ATXN2L: variants seen among roughly 807,000 people sequenced by gnomAD.
ATXN2L encodes ataxin-2-like protein.
In ATXN2L, 24 loss-of-function variants were observed where a neutral mutation model predicts 120.7. The observed-to-expected ratio is 0.20, with a 90% CI of 0.14 to 0.28. ATXN2L has a LOEUF of 0.28. Among genes scored for constraint, ATXN2L ranks in the 10% least tolerant of loss-of-function variants. The pLI, the probability that ATXN2L is intolerant of heterozygous loss-of-function variation, is 1.00. For synonymous variants in ATXN2L, 653 were observed against 568.1 expected (o/e 1.15, Z -2.13); for missense variants, 1,312 against 1,432.3 (o/e 0.92, Z 1.36).
intron 19 of ATXN2L, 34 bp from the exon 20 acceptor site, chr16:28,835,244 G>A (rs1250026285): frequency 6.2e-6 from 10 of 1,613,298 alleles, no homozygotes; most frequent in Non-Finnish European, 8.5e-6. Flanking sequence ...CCTCTGGTGT[G>A]CTCAGCACTG....
rs755700917 is a variant in ATXN2L at position 28,831,049 on chromosome 16, C to T, written c.1298C>T (p.Thr433Ile). 3.9e-5 allele frequency: 62 copies of T among 1,610,270 alleles called. 1 individual carries two copies. The Middle Eastern group carries it at 8.2e-4, about 21-fold the overall frequency. Residue 433 changes from threonine to isoleucine, a missense_variant, in exon 10 of 22, where the codon ACT (threonine) becomes ATT (isoleucine). Coordinates refer to ENST00000336783, the MANE Select transcript of ATXN2L (RefSeq NM_007245.4). ...SSPSNRPSGETSVPPPPAVGR... is the reference protein window; with the variant it reads ...SSPSNRPSGEISVPPPPAVGR... The stretch of plus-strand genomic sequence containing the variant: ...CCCAGTAATAGGCCTTCTGGAGAAA[C>T]TTCTGTTCCACCTCCTCCTGCAGGT...
At position 28,826,959 on chromosome 16, in the gene ATXN2L, C is replaced by T. The variant is rs1223194208; in HGVS notation, c.714C>T (p.Ser238=). Residue 238 remains serine (S), a synonymous_variant, in exon 6 of 22, where the codon AGC becomes AGT. Transcript: ENST00000336783. ...LQRWEGGDSN[S]DDYDLESDMS... ...GCTGGGAGGGGGGTGACAGCAACAG[C>T]GACGACTATGACCTCGAGTCTGACA... The T allele has an allele frequency of 2.5e-6, 4 of 1,574,560 alleles. No homozygotes were observed. Among genetic ancestry groups the T allele is most frequent in the East Asian group, 2.3e-5 (1 of 43,940 alleles).
In ATXN2L at chr16:28,830,232, G is replaced by T. The variant is rs370656699; in HGVS notation, c.1034+174G>T. On this transcript the variant is annotated intron_variant, in intron 8 of 21. Transcript: ENST00000336783. ...GTAATTTGCCTAAAGTAACAAAGCT[G>T]GAGCTTGTAGATCTAAAAAAAAAAA... is the stretch of plus-strand genomic sequence containing the variant. Among the ~76,000 whole-genome samples the T allele has an allele frequency of 4.6e-5, 7 of 152,204 alleles. No individual in the cohort carries two copies. The South Asian group carries it at 1.5e-3, about 32-fold the overall frequency.
In ATXN2L at chr16:28,837,024, A is replaced by G. The variant is rs997316170; in HGVS notation, c.*759A>G. 2 of 663,126 alleles carry G rather than the reference A, an allele frequency of 3.0e-6. No homozygotes were observed. Among genetic ancestry groups the G allele is most frequent in the Middle Eastern group, 2.6e-4 (1 of 3,908 alleles). The allele number at this position is 663,126 out of a possible 1,614,324, so 41.1% of individuals were successfully genotyped here. A position where few individuals can be genotyped will look rare whatever the true frequency, so the allele number is the denominator to read the frequency against. ...CCCAGTCTTGCCCTCCCATCCTCTC[A>G]TCTATTCCCCCGCTGGAGACGGAAG... On this transcript the variant is annotated 3_prime_UTR_variant, in exon 22 of 22. Coordinates refer to ENST00000336783, the MANE Select transcript of ATXN2L (RefSeq NM_007245.4).
At chr16:28,828,077 A>C (rs1249682859) in intron 6 of ATXN2L, among the ~76,000 whole-genome samples, 1 of 152,206 alleles carries the variant, frequency 6.6e-6, no homozygotes, top group Non-Finnish European at 1.5e-5. Flanking sequence ...ACACGTGTAC[A>C]CAGCAAATTG....
In ATXN2L at chr16:28,833,519, A is replaced by C. The variant is rs2055305157; in HGVS notation, c.2025+11A>C. 1.2e-6 allele frequency: 2 copies of C among 1,613,958 alleles called. No individual in the cohort carries two copies. The highest frequency in any genetic ancestry group is 2.7e-5 in the African/African-American group (2 of 74,938). ...CCTCTGCTGTCTGTGGTGAGCTGGG[A>C]CAGGAGAATGTGGACTTTGGTTTCT... On this transcript the variant is annotated intron_variant, in intron 15 of 21. Transcript: ENST00000336783.
chr16:28,833,612 C>T lies in ATXN2L; in HGVS notation c.2025+104C>T. The T allele has an allele frequency of 4.1e-6, 5 of 1,223,852 alleles. No homozygotes were observed. The South Asian group carries it at 6.2e-5, about 15-fold the overall frequency. The allele number at this position is 1,223,852 out of a possible 1,614,324, so 75.8% of individuals were successfully genotyped here. ...AACACTTCACTTCCAGGACCACTTG[C>T]CTGGCAGGCAGTGTGAGGAGATGTC... On this transcript the variant is annotated intron_variant, in intron 15 of 21. Coordinates refer to ENST00000336783, the MANE Select transcript of ATXN2L (RefSeq NM_007245.4).
In ATXN2L at chr16:28,832,504, C is replaced by T; in HGVS notation, c.1525C>T (p.Leu509Phe). Residue 509 changes from leucine to phenylalanine, a missense_variant, in exon 12 of 22, where the codon CTC becomes TTC. Leu to Phe is a conservative substitution (Grantham distance 22, BLOSUM62 0). Transcript: ENST00000336783. The stretch of plus-strand genomic sequence containing the variant: ...TCTCTTTACTTGAACAGTAAAAGAA[C>T]TCTCTACCAAGGAACCTGGGAGAAC... ...ISLAPTDVKE[L>F]STKEPGRTLE... is the part of the protein sequence containing the mutation. The T allele has an allele frequency of 2.5e-6, 4 of 1,614,162 alleles. No homozygotes were observed. The highest frequency in any genetic ancestry group is 3.4e-6 in the Non-Finnish European group (4 of 1,180,012).
In ATXN2L at chr16:28,829,389, C is replaced by T; in HGVS notation, c.742-12C>T. Reference sequence around the variant, plus strand: ...CCTGCTGGGTTTTAAAACCACCTTCCTCCCTCCCCAGTCCAATGGATGGGA... The same window carrying T: ...CCTGCTGGGTTTTAAAACCACCTTCTTCCCTCCCCAGTCCAATGGATGGGA... On this transcript the variant is annotated splice_polypyrimidine_tract_variant and intron_variant, in intron 6 of 21. Transcript: ENST00000336783. 3 of 1,597,948 alleles carry T rather than the reference C, an allele frequency of 1.9e-6. No individual in the cohort carries two copies. The highest frequency in any genetic ancestry group is 1.7e-5 in the Admixed American group (1 of 59,890).
chr16:28,825,219 A>G (rs892275499), intron 1 of ATXN2L, 147 bp from the exon 2 acceptor site: 3 of 819,192 alleles, frequency 3.7e-6, no homozygotes, highest in Non-Finnish European at 6.0e-6. Context: ...CCTGTCTCAA[A>G]AAAAATAGAA....
intron 5 of ATXN2L, 40 bp from the exon 6 acceptor site, chr16:28,826,822 A>G: frequency 1.3e-6 from 2 of 1,501,990 alleles, no homozygotes; most frequent in African/African-American, 1.4e-5. Context: ...AAGTCTGTGA[A>G]ATATAGCCTG....
In ATXN2L at chr16:28,823,522, A is replaced by G; in HGVS notation, c.263A>G (p.Gln88Arg). 7.2e-7 allele frequency: 1 copy of G among 1,390,682 alleles called. No homozygotes were observed. Among genetic ancestry groups the G allele is most frequent in the South Asian group, 1.6e-5 (1 of 64,340 alleles). 86.1% of individuals were successfully genotyped at this position (1,390,682 alleles called of 1,614,324 possible). ...CAGCCGCCGCCGCCGCAGCAACACCAGGAGAGGCCGGGGGCAGCCGCCATC... is the reference window on the plus strand; with the variant it reads ...CAGCCGCCGCCGCCGCAGCAACACCGGGAGAGGCCGGGGGCAGCCGCCATC... Reference protein sequence around the residue: ...APQPPPPQQHQERPGAAAIGS... With the variant: ...APQPPPPQQHRERPGAAAIGS... Residue 88 changes from glutamine to arginine, a missense_variant, in exon 1 of 22, where the codon CAG (glutamine) becomes CGG (arginine). Gln to Arg is a conservative substitution (Grantham distance 43, BLOSUM62 1). Transcript: ENST00000336783.
At position 28,832,820 on chromosome 16, in the gene ATXN2L, C is replaced by T; in HGVS notation, c.1592C>T (p.Pro531Leu). The change falls in exon 13 of 22, where the codon CCT becomes CTT. Residue 531 changes from proline to leucine, a missense_variant. By Grantham distance (98) the Pro-to-Leu change is moderately conservative. Coordinates refer to ENST00000336783, the MANE Select transcript of ATXN2L (RefSeq NM_007245.4). Reference protein sequence around the residue: ...QELARIAGKVPGLQNEQKRFQ... With the variant: ...QELARIAGKVLGLQNEQKRFQ... ...CTTTTTGACTGTTTTCTCATAGTCC[C>T]TGGTCTTCAGAATGAACAGAAACGA... 1 of 1,614,072 alleles carries T rather than the reference C, an allele frequency of 6.2e-7. No individual in the cohort carries two copies. The highest frequency in any genetic ancestry group is 8.5e-7 in the Non-Finnish European group (1 of 1,179,996).
chr16:28,834,384 T>C lies in ATXN2L; in HGVS notation c.2214T>C (p.Pro738=), dbSNP rs771160595. The C allele has an allele frequency of 1.2e-6, 2 of 1,614,078 alleles. No individual in the cohort carries two copies. Among genetic ancestry groups the C allele is most frequent in the South Asian group, 2.2e-5 (2 of 91,080 alleles). The change falls in exon 17 of 22, where the codon CCT becomes CCC. Residue 738 remains proline (P), a synonymous_variant. Transcript: ENST00000336783. ...CATATCCTGTATCCAATTCAGTGCC[T>C]GGGCAGCAGGGCAAGTACCGGGGAG... ...MYPYPVSNSV[P]GQQGKYRGAK...
Position 28,833,276 on chromosome 16 carries a change from C to T in ATXN2L, c.1877C>T (p.Pro626Leu). Residue 626 changes from proline (P) to leucine (L), a missense_variant, in exon 14 of 22, where the codon CCA (proline) becomes CTA (leucine). Pro to Leu is a moderately conservative substitution (Grantham distance 98). Coordinates refer to ENST00000336783, the MANE Select transcript of ATXN2L (RefSeq NM_007245.4). ...GGTEGPEQPP[P>L]PCPSQTGSPP... ...ACTGAGGGGCCAGAGCAGCCCCCAC[C>T]ACCTTGTCCAAGCCAAACTGGCAGC... The T allele has an allele frequency of 4.3e-6, 7 of 1,614,200 alleles. No individual in the cohort carries two copies. The highest frequency in any genetic ancestry group is 5.9e-6 in the Non-Finnish European group (7 of 1,180,038).
chr16:28,830,626 A>G lies in ATXN2L; in HGVS notation c.1046A>G (p.Tyr349Cys), dbSNP rs1434041581. 1.3e-6 allele frequency: 2 copies of G among 1,591,768 alleles called. No individual in the cohort carries two copies. The highest frequency in any genetic ancestry group is 2.3e-5 in the South Asian group (2 of 88,692). Reference protein sequence around the residue: ...SPSLASREGKYIPLPQRVREG... With the variant: ...SPSLASREGKCIPLPQRVREG... ...AACTCTTTCCTCAGGGAGGGGAAGTATATCCCTCTGCCTCAACGAGTCCGG... is the reference window on the plus strand; with the variant it reads ...AACTCTTTCCTCAGGGAGGGGAAGTGTATCCCTCTGCCTCAACGAGTCCGG... Residue 349 changes from tyrosine (Y) to cysteine (C), a missense_variant, in exon 9 of 22, where the codon TAT becomes TGT. Coordinates refer to ENST00000336783, the MANE Select transcript of ATXN2L (RefSeq NM_007245.4).
At chr16:28,833,767 C>T in intron 15 of ATXN2L, 1 of 608,970 alleles carries the variant, frequency 1.6e-6, no homozygotes, top group Non-Finnish European at 2.9e-6. Context: ...TTCTTTGGTT[C>T]TTGGCATTTG....
intron 1 of ATXN2L, chr16:28,824,088 GA>G (rs1390523315): frequency 9.9e-7 from 1 of 1,008,466 alleles, no homozygotes; most frequent in African/African-American, 1.7e-5. Flanking sequence ...CGGGGGGACG[GA>G]AGGAGGGATG....
In ATXN2L at chr16:28,836,406, C is replaced by T. The variant is rs778749790; in HGVS notation, c.*141C>T. On this transcript the variant is annotated 3_prime_UTR_variant, in exon 22 of 22. Transcript: ENST00000336783. ...TGTCCTTTGCTTCCCTCCGTCCTCGCTCAGTTGTGATCCAGCAGCCCCCCT... is the reference window on the plus strand; with the variant it reads ...TGTCCTTTGCTTCCCTCCGTCCTCGTTCAGTTGTGATCCAGCAGCCCCCCT... 18 of 1,613,580 alleles carry T rather than the reference C, an allele frequency of 1.1e-5. No homozygotes were observed. Among genetic ancestry groups the T allele is most frequent in the Non-Finnish European group, 1.5e-5 (18 of 1,179,962 alleles).
Sources: allele counts gnomAD v4.1 joint callset (sites outside exome capture counted in the v4.1 genomes callset), GRCh38; gene constraint gnomAD v4.1.1; transcripts MANE v1.5; gene names NCBI Gene and HGNC (gene_info 2026-07-23, HGNC 2026-07-21).